BRD8: variants seen among roughly 807,000 people sequenced by gnomAD.
BRD8 encodes bromodomain-containing protein 8.
BRD8 carries 67 observed loss-of-function variants against 143.1 expected under a neutral mutation model. That is an observed-to-expected ratio of 0.47 (90% CI 0.38 to 0.57). The LOEUF is 0.57. Among genes scored for constraint, BRD8 ranks in the 20% least tolerant of loss-of-function variants. The pLI is 0.00. For synonymous variants in BRD8, 505 were observed against 517.1 expected (o/e 0.98, Z 0.32); for missense variants, 1,103 against 1,503.0 (o/e 0.73, Z 4.40).
chr5:138,145,528 G>T (rs916179561), intron 24 of BRD8, among the ~76,000 whole-genome samples: 3 of 152,168 alleles, frequency 2.0e-5, no homozygotes, highest in Non-Finnish European at 2.9e-5. Context: ...TTGAAAAGAA[G>T]AATATACATT....
At chr5:138,166,954 T>C in intron 9 of BRD8, 1 of 454,330 alleles carries the variant, frequency 2.2e-6, no homozygotes, top group Non-Finnish European at 4.1e-6. Context: ...ATATAAAAAA[T>C]GGGTGGTAAG....
intron 25 of BRD8, 102 bp downstream of exon 25, chr5:138,145,075 C>T (rs1157807597): frequency 1.6e-6 from 2 of 1,214,312 alleles, no homozygotes; most frequent in African/African-American, 3.1e-5. Flanking sequence ...TGAAACATAT[C>T]TTGAGTTTGT....
Position 138,169,227 on chromosome 5 carries a change from A to G in BRD8, c.637T>C (p.Ser213Pro). Residue 213 changes from serine (S) to proline (P), a missense_variant, in exon 8 of 27, where the codon TCT becomes CCT. Physicochemically the swap from Ser to Pro is moderately conservative, Grantham distance 74 (BLOSUM62 -1). This residue lies in a region of BRD8 where 334 missense variants were observed against 372.5 expected (regional missense o/e 0.90). Transcript: ENST00000254900. Reference sequence around the variant, plus strand: ...ACAGATGGAAATATACTCACCCCAGAGGTAGCCTCTTCCATAGTGGTTGGA... The same window carrying G: ...ACAGATGGAAATATACTCACCCCAGGGGTAGCCTCTTCCATAGTGGTTGGA... ...LTPTTMEEAT[S>P]GVNESEMAVA... is the part of the protein sequence containing the mutation. The G allele has an allele frequency of 6.2e-7, 1 of 1,613,770 alleles. No homozygotes were observed. Among genetic ancestry groups the G allele is most frequent in the Non-Finnish European group, 8.5e-7 (1 of 1,179,940 alleles).
chr5:138,166,777 T>C lies in BRD8; in HGVS notation c.788-50A>G. 2.7e-6 allele frequency: 3 copies of C among 1,101,920 alleles called. No homozygotes were observed. The South Asian group carries it at 3.9e-5, about 14-fold the overall frequency. 68.3% of individuals were successfully genotyped at this position (1,101,920 alleles called of 1,614,324 possible). On this transcript the variant is annotated intron_variant, in intron 9 of 26. Transcript: ENST00000254900. Reference sequence around the variant, plus strand: ...ATGAAGTAAGAAGAAAGCACATAAATAAGAAGCAATAGCTACTTGAAGACT... The same window carrying C: ...ATGAAGTAAGAAGAAAGCACATAAACAAGAAGCAATAGCTACTTGAAGACT...
rs192829297 is a variant in BRD8 at position 138,140,281 on chromosome 5, C to T, written c.3616-115G>A. 130 of 746,882 alleles carry T rather than the reference C, an allele frequency of 1.7e-4. No homozygotes were observed. In the African/African-American group the frequency reaches 2.1e-3, roughly 12 times the overall value. 46.3% of individuals were successfully genotyped at this position (746,882 alleles called of 1,614,324 possible). ...ATACTTTTTTCTTTAAAGTATGATG[C>T]TACCCAGAAAAGAAACCCACAAATG... On this transcript the variant is annotated intron_variant, in intron 26 of 26. Transcript: ENST00000254900.
At chr5:138,168,155 TG>T in intron 8 of BRD8, 77 bp from the exon 9 acceptor site, 4 of 1,071,332 alleles carry the variant, frequency 3.7e-6, no homozygotes, top group Non-Finnish European at 4.2e-6. Flanking sequence ...CTCCAGCAGT[TG>T]ATCAAACTTC....
chr5:138,162,433 C>A (rs892255899), intron 15 of BRD8, among the ~76,000 whole-genome samples: 1 of 151,932 alleles, frequency 6.6e-6, no homozygotes, highest in African/African-American at 2.4e-5. Context: ...TGGGTTCCAG[C>A]GATCCTCCTG....
intron 21 of BRD8, 63 bp downstream of exon 21, chr5:138,152,419 G>T: frequency 6.3e-7 from 1 of 1,580,922 alleles, no homozygotes; most frequent in South Asian, 1.2e-5. Flanking sequence ...AAGCATGTAA[G>T]GATAAGCATT....
chr5:138,167,338 G>A (rs116788496), intron 9 of BRD8, among the ~76,000 whole-genome samples: 310 of 152,052 alleles, frequency 2.0e-3, no homozygotes, highest in African/African-American at 7.2e-3. Context: ...ACCAAGAAAC[G>A]AAAAACTGGT....
At chr5:138,164,538 C>T in intron 12 of BRD8, 125 bp from the exon 13 acceptor site, 5 of 1,124,038 alleles carry the variant, frequency 4.4e-6, no homozygotes, top group Non-Finnish European at 6.5e-6. Flanking sequence ...AATGTGACTC[C>T]AATGGTCACC....
In BRD8 at chr5:138,167,466, G is replaced by A. The variant is rs147218981; in HGVS notation, c.787+468C>T. On this transcript the variant is annotated intron_variant, in intron 9 of 26. Coordinates refer to ENST00000254900, the MANE Select transcript of BRD8 (RefSeq NM_139199.2). Reference sequence around the variant, plus strand: ...TCTATGGAGCTTTTTTTATTTCCCTGCTTTATACTTTCTACCTCATTAAAT... The same window carrying A: ...TCTATGGAGCTTTTTTTATTTCCCTACTTTATACTTTCTACCTCATTAAAT... 7.9e-5 allele frequency among the ~76,000 whole-genome samples: 12 copies of A among 152,110 alleles called. No homozygotes were observed. The East Asian group carries it at 1.9e-3, about 24-fold the overall frequency.
chr5:138,150,522 A>G (rs765921720), intron 22 of BRD8, among the ~76,000 whole-genome samples: 22 of 152,188 alleles, frequency 1.4e-4, no homozygotes, highest in Non-Finnish European at 3.1e-4. Context: ...CCTCACAGCA[A>G]TCCCACAAAA....
Position 138,139,895 on chromosome 5 carries a change from T to A in BRD8, c.*179A>T, listed in dbSNP as rs2151175986. Reference sequence around the variant, plus strand: ...TATGGCATAAATCCAAACCTCAGCTTCCCCTTTTTTTCTTTATATTATGTC... The same window carrying A: ...TATGGCATAAATCCAAACCTCAGCTACCCCTTTTTTTCTTTATATTATGTC... On this transcript the variant is annotated 3_prime_UTR_variant, in exon 27 of 27. Coordinates refer to ENST00000254900, the MANE Select transcript of BRD8 (RefSeq NM_139199.2). 3.6e-6 allele frequency: 2 copies of A among 554,750 alleles called. No individual in the cohort carries two copies. Among genetic ancestry groups the A allele is most frequent in the South Asian group, 5.7e-5 (2 of 34,992 alleles). The allele number at this position is 554,750 out of a possible 1,614,324, so 34.4% of individuals were successfully genotyped here.
intron 10 of BRD8, 75 bp from the exon 11 acceptor site, chr5:138,166,183 C>G: frequency 9.9e-7 from 1 of 1,013,514 alleles, no homozygotes; most frequent in East Asian, 2.4e-5. Context: ...CACATAAGCG[C>G]TACAGACAGA....
chr5:138,158,063 C>A (rs1752719246), intron 20 of BRD8, among the ~76,000 whole-genome samples: 1 of 152,128 alleles, frequency 6.6e-6, no homozygotes, highest in South Asian at 2.1e-4. Context: ...GCCCATGAGG[C>A]AACAGTGAAA....
At position 138,149,663 on chromosome 5, in the gene BRD8, G is replaced by A. The variant is rs1561600273; in HGVS notation, c.3255C>T (p.Phe1085=). The A allele has an allele frequency of 6.2e-7, 1 of 1,609,244 alleles. No homozygotes were observed. The stretch of plus-strand genomic sequence containing the variant: ...ACAGCTTTGAGGAGGTAGCATGGCT[G>A]AAAAGTGTATCCACCAAGGGAGTCT... ...IKETPLVDTL[F]SHATSSKLTD... The change falls in exon 23 of 27, where the codon TTC becomes TTT. Residue 1085 remains phenylalanine (F), a synonymous_variant. Coordinates refer to ENST00000254900, the MANE Select transcript of BRD8 (RefSeq NM_139199.2).
intron 23 of BRD8, 59 bp downstream of exon 23, chr5:138,149,581 C>T: frequency 7.3e-7 from 1 of 1,376,966 alleles, no homozygotes; most frequent in Non-Finnish European, 9.6e-7. Flanking sequence ...TTTCATGATT[C>T]AAATAGGCAT....
chr5:138,152,407 A>G lies in BRD8; in HGVS notation c.2856+75T>C. 9.0e-6 allele frequency: 14 copies of G among 1,552,642 alleles called. No homozygotes were observed. In the South Asian group the frequency reaches 1.6e-4, roughly 18 times the overall value. ...TTTAGTAAACAATATTAAGAGTGGT[A>G]GAAGCATGTAAGGATAAGCATTCTC... On this transcript the variant is annotated intron_variant, in intron 21 of 26. Coordinates refer to ENST00000254900, the MANE Select transcript of BRD8 (RefSeq NM_139199.2).
intron 20 of BRD8, among the ~76,000 whole-genome samples, chr5:138,156,657 G>A (rs960923350): frequency 6.6e-6 from 1 of 152,080 alleles, no homozygotes; most frequent in Non-Finnish European, 1.5e-5. Context: ...GAAAATCTGA[G>A]TAAGGAAGTC....
Sources: allele counts gnomAD v4.1 joint callset (sites outside exome capture counted in the v4.1 genomes callset), GRCh38; gene constraint gnomAD v4.1.1; regional missense constraint gnomAD v4.1.1; transcripts MANE v1.5; gene names NCBI Gene and HGNC (gene_info 2026-07-23, HGNC 2026-07-21).